The following MAP2K4 variants were observed in gnomAD, a reference collection of about 807,000 sequenced individuals.
MAP2K4 encodes the protein dual specificity mitogen-activated protein kinase kinase 4.
A neutral mutation model predicts 48.5 loss-of-function variants in MAP2K4; 4 were observed. The ratio of observed to expected loss-of-function variants is 0.08; its 90% CI spans 0.04 to 0.19. MAP2K4 has a LOEUF of 0.19. Ranked by LOEUF, MAP2K4 falls within the 10% of genes least tolerant of loss-of-function variation. The probability of loss-of-function intolerance (pLI) is 1.00; values close to 1 mark genes in which losing one functional copy is unlikely to be tolerated. For synonymous variants in MAP2K4, 166 were observed against 173.1 expected (o/e 0.96, Z 0.32); for missense variants, 258 against 493.3 (o/e 0.52, Z 4.52).
chr17:12,140,606 G>T (rs1237525858), intron 10 of MAP2K4, among the ~76,000 whole-genome samples: 2 of 152,116 alleles, frequency 1.3e-5, no homozygotes, highest in Admixed American at 6.6e-5. Context: ...GAAGCTCCTG[G>T]GGCAAATTTC....
intron 4 of MAP2K4, among the ~76,000 whole-genome samples, chr17:12,100,117 A>G (rs1382001973): frequency 6.6e-6 from 1 of 152,118 alleles, no homozygotes; most frequent in Admixed American, 6.5e-5. Flanking sequence ...GTACAGTTTG[A>G]TATGTTTGAA....
chr17:12,044,617 G>A (rs1269546110), intron 1 of MAP2K4, among the ~76,000 whole-genome samples: 1 of 152,178 alleles, frequency 6.6e-6, no homozygotes, highest in African/African-American at 2.4e-5. Context: ...GACCAAATAT[G>A]GGGGATTTCT....
At chr17:12,115,566 C>T (rs190820993) in intron 7 of MAP2K4, 55 of 691,132 alleles carry the variant, frequency 8.0e-5, no homozygotes, top group African/African-American at 1.4e-4. Flanking sequence ...TACCAGGCTG[C>T]GGAGGAGACT....
chr17:12,067,067 C>A (rs868732574), intron 2 of MAP2K4, among the ~76,000 whole-genome samples: 7 of 152,126 alleles, frequency 4.6e-5, no homozygotes, highest in Admixed American at 1.3e-4. Flanking sequence ...AGTGATCCAC[C>A]CACCTCGGCC....
Position 12,071,539 on chromosome 17 carries a change from C to T in MAP2K4, c.219-9817C>T, listed in dbSNP as rs548813685. Among the ~76,000 whole-genome samples the T allele has an allele frequency of 3.2e-4, 49 of 152,260 alleles. No individual in the cohort carries two copies. The South Asian group carries it at 7.5e-3, about 23-fold the overall frequency. ...GGATGAAGACCAGTGCCTGATGCTT[C>T]ATATCGTTCTCTTCTTGTCTCTTCA... On this transcript the variant is annotated intron_variant, in intron 2 of 10. Coordinates refer to ENST00000353533, the MANE Select transcript of MAP2K4 (RefSeq NM_003010.4).
intron 4 of MAP2K4, among the ~76,000 whole-genome samples, chr17:12,105,897 C>T (rs1411980900): frequency 6.6e-6 from 1 of 152,074 alleles, no homozygotes; most frequent in South Asian, 2.1e-4. Flanking sequence ...CCACATTTCC[C>T]TTCCTTCTCC....
At chr17:12,035,157 C>T (rs1969554117) in intron 1 of MAP2K4, among the ~76,000 whole-genome samples, 1 of 152,206 alleles carries the variant, frequency 6.6e-6, no homozygotes, top group Non-Finnish European at 1.5e-5. Context: ...TGTTTGCAGA[C>T]AATCTGCTGG....
chr17:12,093,405 A>G (rs997194775), intron 3 of MAP2K4, among the ~76,000 whole-genome samples: 2 of 152,216 alleles, frequency 1.3e-5, no homozygotes, highest in Non-Finnish European at 2.9e-5. Context: ...CATGTAGTCC[A>G]TATATCCTTT....
At chr17:12,101,816 T>G (rs1436082436) in intron 4 of MAP2K4, among the ~76,000 whole-genome samples, 1 of 152,156 alleles carries the variant, frequency 6.6e-6, no homozygotes, top group African/African-American at 2.4e-5. Flanking sequence ...AATTTTCTCA[T>G]GTGACTAAAT....
At chr17:12,051,242 A>G (rs1970131590) in intron 1 of MAP2K4, among the ~76,000 whole-genome samples, 1 of 152,182 alleles carries the variant, frequency 6.6e-6, no homozygotes, top group East Asian at 1.9e-4. Context: ...GTGCTTTGGA[A>G]GTGTGATGAG....
chr17:12,115,005 C>G (rs757895295), intron 7 of MAP2K4, among the ~76,000 whole-genome samples: 4 of 152,132 alleles, frequency 2.6e-5, no homozygotes, highest in Non-Finnish European at 5.9e-5. Context: ...TATAGATAGA[C>G]AAGAACTCAA....
chr17:12,064,012 G>A (rs1255726627), intron 2 of MAP2K4, among the ~76,000 whole-genome samples: 2 of 110,500 alleles, frequency 1.8e-5, no homozygotes, highest in Non-Finnish European at 3.8e-5. Context: ...GGAGGAGAGG[G>A]GAAGGGGGGG....
At chr17:12,045,207 T>TA (rs1398819541) in intron 1 of MAP2K4, among the ~76,000 whole-genome samples, 2 of 152,154 alleles carry the variant, frequency 1.3e-5, no homozygotes, top group African/African-American at 2.4e-5. Context: ...TATGCACATA[T>TA]AAAAAAGGTT....
chr17:12,080,897 A>G lies in MAP2K4; in HGVS notation c.219-459A>G, dbSNP rs141584471. Among the ~76,000 whole-genome samples, 249 of 152,316 alleles carry G rather than the reference A, an allele frequency of 1.6e-3. 6 individuals are homozygous for G. In the East Asian group the frequency reaches 0.034, roughly 21 times the overall value. The stretch of plus-strand genomic sequence containing the variant: ...TTGTAAGGTACAGCAAACCTTGGGA[A>G]TAGTTGTACTAACTGAAGATTGAGG... On this transcript the variant is annotated intron_variant, in intron 2 of 10. Coordinates refer to ENST00000353533, the MANE Select transcript of MAP2K4 (RefSeq NM_003010.4).
intron 2 of MAP2K4, chr17:12,069,872 T>G: frequency 3.0e-6 from 1 of 338,654 alleles, no homozygotes; most frequent in Non-Finnish European, 5.8e-6. Flanking sequence ...TTTATTTTCC[T>G]GTCTAAGGAA....
chr17:12,088,472 A>G (rs1487488878), intron 3 of MAP2K4, among the ~76,000 whole-genome samples: 13 of 51,706 alleles, frequency 2.5e-4, no homozygotes, highest in Middle Eastern at 0.011. Context: ...ACAATATTAA[A>G]TATAATATTA....
intron 9 of MAP2K4, among the ~76,000 whole-genome samples, chr17:12,133,769 C>T (rs1254905789): frequency 6.6e-6 from 1 of 152,156 alleles, no homozygotes; most frequent in Non-Finnish European, 1.5e-5. Flanking sequence ...TATAAAAAGT[C>T]ACTAGGACGA....
At chr17:12,031,740 C>T (rs1455558539) in intron 1 of MAP2K4, among the ~76,000 whole-genome samples, 1 of 152,120 alleles carries the variant, frequency 6.6e-6, no homozygotes, top group African/African-American at 2.4e-5. Context: ...AGAATTTCAG[C>T]CCCTCTTCAG....
chr17:12,117,743 G>C (rs1004169804), intron 7 of MAP2K4, among the ~76,000 whole-genome samples: 2 of 152,164 alleles, frequency 1.3e-5, no homozygotes, highest in Admixed American at 1.3e-4. Flanking sequence ...AGCACAGAAA[G>C]TCAAGCTGTT....
Sources: gnomAD v4.1 joint callset for allele counts (sites outside exome capture counted in the v4.1 genomes callset) on GRCh38, gnomAD v4.1.1 for gene constraint, MANE v1.5 for transcripts, NCBI Gene and HGNC (gene_info 2026-07-23, HGNC 2026-07-21) for gene names.